The following TNNI3K variants were observed in gnomAD, a reference collection of about 807,000 sequenced individuals.
The protein encoded by TNNI3K is TNNI3 interacting kinase, also known as serine/threonine-protein kinase TNNI3K.
A neutral mutation model predicts 114.5 loss-of-function variants in TNNI3K; 140 were observed. That is an observed-to-expected ratio of 1.22 (90% CI 1.07 to 1.41). The LOEUF (loss-of-function observed/expected upper bound fraction) is 1.41. Among genes scored for constraint, TNNI3K ranks in the 40% most tolerant of loss-of-function variants. TNNI3K has a pLI of 0.00. For synonymous variants in TNNI3K, 347 were observed against 347.5 expected, an observed-to-expected ratio of 1.00 and a Z score of 0.02; for missense variants, 1,125 against 1,007.6, an observed-to-expected ratio of 1.12 and a Z score of -1.58.
intron 5 of TNNI3K, among the ~76,000 whole-genome samples, chr1:74,286,677 A>T (rs1376221527): frequency 6.6e-6 from 1 of 151,130 alleles, no homozygotes. Flanking sequence ...CTGCCTGAGG[A>T]CTCCCGTGGC....
At chr1:74,367,872 G>T in intron 12 of TNNI3K, 36 bp from the exon 13 acceptor site, 7 of 1,534,136 alleles carry the variant, frequency 4.6e-6, no homozygotes, top group Non-Finnish European at 6.1e-6. Flanking sequence ...AAAAATGATC[G>T]CTACTTTCAA....
At chr1:74,489,058 T>A in intron 21 of TNNI3K, 131 bp from the exon 22 acceptor site, 1 of 682,104 alleles carries the variant, frequency 1.5e-6, no homozygotes, top group African/African-American at 1.9e-5. Flanking sequence ...TCAATAAAAG[T>A]GTATTTTAAA....
At chr1:74,327,577 A>G (rs978034343) in intron 5 of TNNI3K, among the ~76,000 whole-genome samples, 1 of 146,406 alleles carries the variant, frequency 6.8e-6, no homozygotes. Context: ...TTTTTAATAT[A>G]TATATATCAG....
At chr1:74,257,881 A>G (rs1387444182) in intron 4 of TNNI3K, among the ~76,000 whole-genome samples, 1 of 151,658 alleles carries the variant, frequency 6.6e-6, no homozygotes, top group Non-Finnish European at 1.5e-5. Context: ...GTTAGCCAGG[A>G]TGGTCTCGAT....
At chr1:74,365,292 C>T (rs1163733701) in intron 11 of TNNI3K, among the ~76,000 whole-genome samples, 3 of 152,046 alleles carry the variant, frequency 2.0e-5, no homozygotes, top group Non-Finnish European at 2.9e-5. Flanking sequence ...CTCCCCATCT[C>T]GCCTACCCTA....
chr1:74,333,487 A>G (rs940489668), intron 6 of TNNI3K, among the ~76,000 whole-genome samples: 1 of 152,224 alleles, frequency 6.6e-6, no homozygotes, highest in African/African-American at 2.4e-5. Flanking sequence ...AGAAACATAA[A>G]GAGCCTGTAT....
At position 74,431,103 on chromosome 1, in the gene TNNI3K, G is replaced by A. The variant is rs1175313106; in HGVS notation, c.1773-4977G>A. On this transcript the variant is annotated intron_variant, in intron 17 of 24. Coordinates refer to ENST00000326637, the MANE Select transcript of TNNI3K (RefSeq NM_015978.3). ...AATAATAGCTAATACTTATTTAGCA[G>A]TTCAGAATTTGCCAAATTCCATCTA... Among the ~76,000 whole-genome samples the A allele has an allele frequency of 3.3e-5, 5 of 152,232 alleles. No individual in the cohort carries two copies. The East Asian group carries it at 9.7e-4, about 29-fold the overall frequency.
intron 21 of TNNI3K, among the ~76,000 whole-genome samples, chr1:74,481,893 G>A (rs1025523947): frequency 5.3e-5 from 8 of 152,214 alleles, no homozygotes; most frequent in African/African-American, 1.9e-4. Flanking sequence ...TCAACCCCAG[G>A]GAAGCAAATC....
At chr1:74,258,428 T>C (rs1202162894) in intron 4 of TNNI3K, among the ~76,000 whole-genome samples, 4 of 152,230 alleles carry the variant, frequency 2.6e-5, no homozygotes, top group African/African-American at 9.6e-5. Context: ...CATGGGATAT[T>C]GTGTGACTTG....
chr1:74,496,801 C>T (rs1669348806), intron 23 of TNNI3K, among the ~76,000 whole-genome samples: 1 of 152,166 alleles, frequency 6.6e-6, no homozygotes, highest in South Asian at 2.1e-4. Context: ...GAAAACTAAG[C>T]ATGTGGCAGT....
chr1:74,282,361 G>A (rs1657066198), intron 5 of TNNI3K, among the ~76,000 whole-genome samples: 1 of 152,052 alleles, frequency 6.6e-6, no homozygotes, highest in Non-Finnish European at 1.5e-5. Flanking sequence ...TTATCAAGGT[G>A]TTGGCGAATT....
intron 20 of TNNI3K, among the ~76,000 whole-genome samples, chr1:74,456,371 CAGAT>C (rs771729365): frequency 2.0e-5 from 3 of 152,012 alleles, no homozygotes; most frequent in East Asian, 1.9e-4. Context: ...TGAAGCCAAA[CAGAT>C]AGAGAAGAAC....
At chr1:74,274,307 G>T (rs1215805529) in intron 5 of TNNI3K, among the ~76,000 whole-genome samples, 2 of 151,938 alleles carry the variant, frequency 1.3e-5, no homozygotes, top group Non-Finnish European at 2.9e-5. Context: ...AGGAAGAGGA[G>T]GGGTAGGTTT....
intron 11 of TNNI3K, among the ~76,000 whole-genome samples, chr1:74,356,707 T>A (rs527373303): frequency 6.6e-6 from 1 of 152,324 alleles, no homozygotes; most frequent in Admixed American, 6.5e-5. Context: ...CTTTTATTTT[T>A]CATGGAATTC....
chr1:74,322,573 G>A (rs1659678938), intron 5 of TNNI3K, among the ~76,000 whole-genome samples: 1 of 149,854 alleles, frequency 6.7e-6, no homozygotes, highest in Admixed American at 6.7e-5. Context: ...CAATTCTTCT[G>A]CTTCAACCTC....
At position 74,475,496 on chromosome 1, in the gene TNNI3K, G is replaced by C. The variant is rs45535932; in HGVS notation, c.2121+11946G>C. On this transcript the variant is annotated intron_variant, in intron 21 of 24. Transcript: ENST00000326637. The stretch of plus-strand genomic sequence containing the variant: ...CAAAATAAAGTGCTGCCTACCCCAC[G>C]GTCTTTCTTTTTCAGGTTTCTAAAT... 2,113 of 716,782 alleles carry C rather than the reference G, an allele frequency of 2.9e-3. 3 individuals carry two copies. Among genetic ancestry groups the C allele is most frequent in the Non-Finnish European group, 3.3e-3 (1,271 of 384,798 alleles). The allele number at this position is 716,782 out of a possible 1,614,324, so 44.4% of individuals were successfully genotyped here. A position where few individuals can be genotyped will look rare whatever the true frequency, so the allele number is the denominator to read the frequency against.
chr1:74,350,714 T>C (rs1203816905), intron 9 of TNNI3K, among the ~76,000 whole-genome samples: 1 of 152,154 alleles, frequency 6.6e-6, no homozygotes, highest in Non-Finnish European at 1.5e-5. Flanking sequence ...CCTTTACCAT[T>C]ATGTAATGGC....
intron 20 of TNNI3K, among the ~76,000 whole-genome samples, chr1:74,458,986 A>T (rs898957620): frequency 2.6e-5 from 4 of 152,032 alleles, no homozygotes; most frequent in African/African-American, 9.7e-5. Flanking sequence ...TTTAGTTCCC[A>T]CTTATAGGTG....
At chr1:74,395,253 T>C (rs1664017881) in intron 17 of TNNI3K, among the ~76,000 whole-genome samples, 1 of 152,074 alleles carries the variant, frequency 6.6e-6, no homozygotes, top group African/African-American at 2.4e-5. Context: ...AAAGTCTCAC[T>C]TTCAGTGTTC....
Sources: gnomAD v4.1 joint callset for allele counts (sites outside exome capture counted in the v4.1 genomes callset) on GRCh38, gnomAD v4.1.1 for gene constraint, MANE v1.5 for transcripts, NCBI Gene and HGNC (gene_info 2026-07-23, HGNC 2026-07-21) for gene names.